Variants in ATP5MC2 observed in about 807,000 individuals in gnomAD.
The protein encoded by ATP5MC2 is ATP synthase F(0) complex subunit C2, mitochondrial.
ATP5MC2 carries 11 observed loss-of-function variants against 13.5 expected under a neutral mutation model. The ratio of observed to expected loss-of-function variants is 0.81; its 90% CI spans 0.51 to 1.35. The LOEUF is 1.35. Ranked by LOEUF, ATP5MC2 falls within the 40% of genes most tolerant of loss-of-function variation. The pLI is 0.00. For missense variants in ATP5MC2, 132 were observed against 175.0 expected, an observed-to-expected ratio of 0.75 and a Z score of 1.39; for synonymous variants, 64 against 69.7, an observed-to-expected ratio of 0.92 and a Z score of 0.41.
chr12:53,675,250 G>T (rs957124190), intron 1 of ATP5MC2, among the ~76,000 whole-genome samples: 1 of 152,144 alleles, frequency 6.6e-6, no homozygotes, highest in African/African-American at 2.4e-5. Context: ...GCAGAATCTG[G>T]GGAGGTTAAT....
chr12:53,678,952 C>T (rs764530538), upstream of ATP5MC2, among the ~76,000 whole-genome samples: 30 of 151,986 alleles, frequency 2.0e-4, no homozygotes, highest in Non-Finnish European at 3.5e-4. Flanking sequence ...CCAGTGGTGA[C>T]GAAGAAATGA....
upstream of ATP5MC2, among the ~76,000 whole-genome samples, chr12:53,677,958 AC>A (rs1038875285): frequency 6.6e-6 from 1 of 151,994 alleles, no homozygotes; most frequent in African/African-American, 2.4e-5. Flanking sequence ...AGGAGCCACC[AC>A]CCCCAAACGG....
chr12:53,666,491 G>A (rs968748730), intron 4 of ATP5MC2, among the ~76,000 whole-genome samples: 1 of 151,502 alleles, frequency 6.6e-6, no homozygotes, highest in Non-Finnish European at 1.5e-5. Flanking sequence ...GCAGGAGAAC[G>A]GCGTGAACCC....
chr12:53,674,043 C>T (rs12422531), intron 1 of ATP5MC2: 17,831 of 152,276 alleles, frequency 0.12, 1,164 homozygotes, highest in Admixed American at 0.19. Flanking sequence ...CAACTTGGAC[C>T]TTCCTGGTCA....
chr12:53,675,233 TG>T (rs1387819848), intron 1 of ATP5MC2, among the ~76,000 whole-genome samples: 2 of 152,130 alleles, frequency 1.3e-5, no homozygotes, highest in Non-Finnish European at 2.9e-5. Flanking sequence ...TTCTTTTCCT[TG>T]TAACAGCAGA....
chr12:53,671,612 G>A (rs999624934), intron 2 of ATP5MC2, among the ~76,000 whole-genome samples: 1 of 152,212 alleles, frequency 6.6e-6, no homozygotes, highest in Non-Finnish European at 1.5e-5. Flanking sequence ...TCCAAGTTAT[G>A]TAATCTACTT....
At chr12:53,676,315 C>G (rs191422929), upstream of ATP5MC2, 18 of 1,445,980 alleles carry the variant, frequency 1.2e-5, no homozygotes, top group Non-Finnish European at 1.5e-5. Context: ...GTAAGCCGAT[C>G]CGTAACGTGG....
At chr12:53,667,643 T>C (rs1944955661) in intron 4 of ATP5MC2, among the ~76,000 whole-genome samples, 1 of 151,792 alleles carries the variant, frequency 6.6e-6, no homozygotes, top group Non-Finnish European at 1.5e-5. Context: ...ATTACAGGCA[T>C]CTGCCACCAT....
At chr12:53,667,974 T>C (rs1230036795) in intron 4 of ATP5MC2, among the ~76,000 whole-genome samples, 23 of 51,730 alleles carry the variant, frequency 4.4e-4, no homozygotes, top group African/African-American at 2.2e-3. Flanking sequence ...TATATATATA[T>C]ATATATATAT....
intron 3 of ATP5MC2, 23 bp downstream of exon 3, chr12:53,669,848 G>A (rs370229773): frequency 6.4e-5 from 104 of 1,612,748 alleles, no homozygotes; most frequent in Non-Finnish European, 8.1e-5. Context: ...CAAAACCACA[G>A]TCCCAACTCC....
chr12:53,667,997 A>ATTTTT (rs59042234), intron 4 of ATP5MC2, among the ~76,000 whole-genome samples: 26 of 126,868 alleles, frequency 2.0e-4, no homozygotes, highest in African/African-American at 7.4e-4. Flanking sequence ...ATATATATAA[A>ATTTTT]TTTTTTTTTT....
intron 2 of ATP5MC2, among the ~76,000 whole-genome samples, chr12:53,672,210 C>CTTACTTAT (rs1384688450): frequency 1.3e-5 from 2 of 150,766 alleles, no homozygotes; most frequent in Non-Finnish European, 2.9e-5. Context: ...AAGAATCTTT[C>CTTACTTAT]TTACTTATTT....
At chr12:53,674,385 T>C (rs1475276756) in intron 1 of ATP5MC2, among the ~76,000 whole-genome samples, 1 of 152,240 alleles carries the variant, frequency 6.6e-6, no homozygotes, top group Non-Finnish European at 1.5e-5. Context: ...TCAAGTGCCC[T>C]GTATTTCAAA....
At chr12:53,676,232 G>C (rs760821336), upstream of ATP5MC2, 11 of 1,598,128 alleles carry the variant, frequency 6.9e-6, no homozygotes, top group Non-Finnish European at 9.4e-6. Flanking sequence ...TATCCGGCCG[G>C]TTGCTCCACC....
chr12:53,680,804 TGAG>T (rs1309469835), upstream of ATP5MC2, among the ~76,000 whole-genome samples: 2 of 152,226 alleles, frequency 1.3e-5, no homozygotes, highest in Admixed American at 1.3e-4. Flanking sequence ...TTCTTGGTGT[TGAG>T]GACACAGGCG....
upstream of ATP5MC2, chr12:53,676,310 C>T (rs186557586): frequency 1.4e-5 from 20 of 1,466,544 alleles, no homozygotes; most frequent in East Asian, 4.2e-4. Context: ...GCGGAGTAAG[C>T]CGATCCGTAA....
upstream of ATP5MC2, among the ~76,000 whole-genome samples, chr12:53,677,879 C>G (rs181013305): frequency 2.0e-5 from 3 of 152,320 alleles, no homozygotes; most frequent in African/African-American, 7.2e-5. Context: ...ATCTCCATTC[C>G]CACCAAAACG....
intron 4 of ATP5MC2, among the ~76,000 whole-genome samples, chr12:53,665,974 TTC>T (rs928642116): frequency 6.6e-6 from 1 of 152,150 alleles, no homozygotes; most frequent in Non-Finnish European, 1.5e-5. Context: ...ACAGATTATG[TTC>T]TCTCATTTCA....
At chr12:53,678,340 T>TCACCACCACCACCAC (rs374475099), upstream of ATP5MC2, among the ~76,000 whole-genome samples, 43 of 151,440 alleles carry the variant, frequency 2.8e-4, no homozygotes, top group African/African-American at 9.5e-4. Context: ...ATCATCATCG[T>TCACCACCACCACCAC]CACCACCACC....
Sources: gnomAD v4.1 joint callset for allele counts (sites outside exome capture counted in the v4.1 genomes callset) on GRCh38, gnomAD v4.1.1 for gene constraint, MANE v1.5 for transcripts, NCBI Gene and HGNC (gene_info 2026-07-23, HGNC 2026-07-21) for gene names.